SLC4A7: variants seen among roughly 807,000 people sequenced by gnomAD.
SLC4A7 encodes sodium bicarbonate cotransporter 3.
Under a neutral mutation model 137.6 loss-of-function variants are expected in SLC4A7, and 51 were observed. That is an observed-to-expected ratio of 0.37 (90% CI 0.30 to 0.47). The LOEUF (loss-of-function observed/expected upper bound fraction) is 0.47. Among genes scored for constraint, SLC4A7 ranks in the 20% least tolerant of loss-of-function variants. The pLI, the probability that SLC4A7 is intolerant of heterozygous loss-of-function variation, is 1.00. For synonymous variants in SLC4A7, 542 were observed against 518.6 expected, an observed-to-expected ratio of 1.05 and a Z score of -0.61; for missense variants, 1,247 against 1,525.4, an observed-to-expected ratio of 0.82 and a Z score of 3.04.
At chr3:27,403,415 A>C in intron 14 of SLC4A7, 31 bp from the exon 15 acceptor site, 2 of 1,486,884 alleles carry the variant, frequency 1.3e-6, no homozygotes, top group Non-Finnish European at 1.8e-6. Flanking sequence ...GAATATGATA[A>C]ACATATGTGG....
chr3:27,412,474 G>T (rs1300088755), intron 11 of SLC4A7, among the ~76,000 whole-genome samples: 1 of 152,144 alleles, frequency 6.6e-6, no homozygotes, highest in Non-Finnish European at 1.5e-5. Context: ...GGTTTACTGG[G>T]TCAAAGGCTC....
chr3:27,445,637 G>A (rs1428235227), intron 3 of SLC4A7, among the ~76,000 whole-genome samples: 1 of 151,446 alleles, frequency 6.6e-6, no homozygotes, highest in Non-Finnish European at 1.5e-5. Flanking sequence ...TATTGTAATG[G>A]CTGGGCGCAG....
rs138260733 is a variant in SLC4A7, at chr3:27,431,518, G to C, written c.930C>G (p.Thr310=). Residue 310 remains threonine (T), a synonymous_variant, in exon 7 of 26, where the codon ACC becomes ACG. Coordinates refer to ENST00000454389, the MANE Select transcript of SLC4A7 (RefSeq NM_001321103.2). ...AGTPAGSRCT[T]PVPTPQNSPP... ...GACTGTTTTGAGGGGTGGGTACTGG[G>C]GTTGTACACCTTGAGCCTGCAGGGG... 14 of 1,614,092 alleles carry C rather than the reference G, an allele frequency of 8.7e-6. No homozygotes were observed. The highest frequency in any genetic ancestry group is 1.1e-5 in the Non-Finnish European group (13 of 1,180,008).
chr3:27,473,301 C>T (rs749485401), intron 1 of SLC4A7, among the ~76,000 whole-genome samples: 79 of 151,942 alleles, frequency 5.2e-4, no homozygotes, highest in Non-Finnish European at 8.7e-4. Flanking sequence ...CATAGCAAGA[C>T]CTCATCTCTT....
chr3:27,461,228 AC>A (rs1187439387), intron 1 of SLC4A7, among the ~76,000 whole-genome samples: 40 of 151,790 alleles, frequency 2.6e-4, no homozygotes, highest in Admixed American at 7.2e-4. Context: ...ACACACACAC[AC>A]ACACACAAAA....
chr3:27,455,542 T>A (rs1191356826), intron 1 of SLC4A7, among the ~76,000 whole-genome samples: 2 of 151,834 alleles, frequency 1.3e-5, no homozygotes, highest in African/African-American at 4.8e-5. Flanking sequence ...TCAATGAGAG[T>A]GTTTTCATGC....
intron 1 of SLC4A7, among the ~76,000 whole-genome samples, chr3:27,477,970 C>T (rs2059534930): frequency 6.6e-6 from 1 of 152,102 alleles, no homozygotes; most frequent in Non-Finnish European, 1.5e-5. Context: ...ATAAAAGAGG[C>T]ATCTTCCAAG....
chr3:27,474,922 A>C (rs925246551), intron 1 of SLC4A7, among the ~76,000 whole-genome samples: 18 of 152,130 alleles, frequency 1.2e-4, no homozygotes, highest in Admixed American at 1.0e-3. Flanking sequence ...TGCCTGGCCA[A>C]CATGGTGAAA....
Position 27,398,235 on chromosome 3 carries a change from G to A in SLC4A7, c.2546C>T (p.Ser849Leu). 1 of 1,613,034 alleles carries A rather than the reference G, an allele frequency of 6.2e-7. No homozygotes were observed. Residue 849 changes from serine to leucine, a missense_variant, in exon 17 of 26, where the codon TCA (serine) becomes TTA (leucine). Transcript: ENST00000454389. ...ILFFTTFFLS[S>L]FLKQFKTKRY... Reference sequence around the variant, plus strand: ...CTTGGTCTTAAATTGCTTGAGGAATGAAGACAGAAAAAATGTTGTGAAAAA... The same window carrying A: ...CTTGGTCTTAAATTGCTTGAGGAATAAAGACAGAAAAAATGTTGTGAAAAA...
chr3:27,460,295 C>G (rs942412599), intron 1 of SLC4A7, among the ~76,000 whole-genome samples: 1 of 152,096 alleles, frequency 6.6e-6, no homozygotes, highest in African/African-American at 2.4e-5. Flanking sequence ...CTGGGCCTCC[C>G]AAAATGCTGG....
chr3:27,407,140 C>T (rs565151220), intron 13 of SLC4A7, among the ~76,000 whole-genome samples: 97 of 137,984 alleles, frequency 7.0e-4, no homozygotes, highest in Admixed American at 9.6e-4. Context: ...AATTTTTGAA[C>T]TGTTTCTATG....
At chr3:27,437,284 G>C in intron 4 of SLC4A7, 104 bp downstream of exon 4, 2 of 570,386 alleles carry the variant, frequency 3.5e-6, no homozygotes, top group Non-Finnish European at 5.4e-6. Flanking sequence ...CTGGGAGGCA[G>C]AAGTTGCAGT....
chr3:27,437,551 T>G lies in SLC4A7; in HGVS notation c.290-25A>C, dbSNP rs764182616. The G allele has an allele frequency of 5.4e-6, 8 of 1,468,878 alleles. No individual in the cohort carries two copies. The Admixed American group carries it at 2.0e-4, about 37-fold the overall frequency. 91.0% of individuals were successfully genotyped at this position (1,468,878 alleles called of 1,614,324 possible). ...TCTTTACAAAATAAGAATTTACATA[T>G]ACTCAAATTTTTCCTCAAGTCATTC... On this transcript the variant is annotated intron_variant, in intron 3 of 25. Coordinates refer to ENST00000454389, the MANE Select transcript of SLC4A7 (RefSeq NM_001321103.2).
chr3:27,441,396 AGTTT>A (rs1263515085), intron 3 of SLC4A7, among the ~76,000 whole-genome samples: 1 of 152,000 alleles, frequency 6.6e-6, no homozygotes, highest in Non-Finnish European at 1.5e-5. Flanking sequence ...TTCTTCCTTA[AGTTT>A]GTTTTATTTC....
At chr3:27,424,306 A>G (rs1160995032) in intron 7 of SLC4A7, 154 bp from the exon 8 acceptor site, 1 of 467,064 alleles carries the variant, frequency 2.1e-6, no homozygotes, top group Non-Finnish European at 3.8e-6. Flanking sequence ...ACATACCAGC[A>G]AAACTAGAAC....
At chr3:27,413,235 A>T (rs1310093741) in intron 11 of SLC4A7, among the ~76,000 whole-genome samples, 1 of 152,198 alleles carries the variant, frequency 6.6e-6, no homozygotes, top group Non-Finnish European at 1.5e-5. Flanking sequence ...ACATCAGAAA[A>T]AACAGGAAGT....
At chr3:27,443,032 C>CTTTTTTT (rs1175482585) in intron 3 of SLC4A7, among the ~76,000 whole-genome samples, 20 of 105,370 alleles carry the variant, frequency 1.9e-4, no homozygotes, top group Non-Finnish European at 2.2e-4. Flanking sequence ...TTCTTTTTTT[C>CTTTTTTT]TTTTTTTTTT....
chr3:27,452,250 T>A (rs1182133141), intron 2 of SLC4A7, among the ~76,000 whole-genome samples, 167 bp downstream of exon 2: 4 of 152,176 alleles, frequency 2.6e-5, no homozygotes, highest in African/African-American at 9.6e-5. Context: ...TTATGAACTC[T>A]ATCTTTTGCC....
intron 20 of SLC4A7, among the ~76,000 whole-genome samples, chr3:27,392,389 A>G (rs2051655348): frequency 6.6e-6 from 1 of 152,206 alleles, no homozygotes; most frequent in African/African-American, 2.4e-5. Flanking sequence ...CAAAACCACA[A>G]AAAGCACTCT....
Sources: gnomAD v4.1 joint callset for allele counts (sites outside exome capture counted in the v4.1 genomes callset) on GRCh38, gnomAD v4.1.1 for gene constraint, MANE v1.5 for transcripts, NCBI Gene and HGNC (gene_info 2026-07-23, HGNC 2026-07-21) for gene names.